The following CGGBP1 variants were observed in gnomAD, a reference collection of about 807,000 sequenced individuals.
CGGBP1 encodes the protein CGG triplet repeat binding protein 1.
Under a neutral mutation model 11.4 loss-of-function variants are expected in CGGBP1, and 4 were observed. That is an observed-to-expected ratio of 0.35 (90% CI 0.17 to 0.80). The LOEUF is 0.80. CGGBP1 is among the 30% of genes least tolerant of loss of function. CGGBP1 has a pLI of 0.52. For synonymous variants in CGGBP1, 76 were observed against 74.1 expected (o/e 1.03, Z -0.13); for missense variants, 135 against 202.1 (o/e 0.67, Z 2.01).
At chr3:88,083,350 C>T (rs1293487371) in intron 2 of CGGBP1, among the ~76,000 whole-genome samples, 1 of 152,156 alleles carries the variant, frequency 6.6e-6, no homozygotes, top group Non-Finnish European at 1.5e-5. Context: ...TTCTCATTCT[C>T]ACATTAATTT....
At chr3:88,063,791 A>G (rs557826277), upstream of CGGBP1, among the ~76,000 whole-genome samples, 46 of 152,148 alleles carry the variant, frequency 3.0e-4, no homozygotes, top group Middle Eastern at 3.4e-3. Context: ...TACAGTGGCC[A>G]TACTATCATT....
At chr3:88,085,166 T>C (rs1708276508) in intron 2 of CGGBP1, among the ~76,000 whole-genome samples, 1 of 152,202 alleles carries the variant, frequency 6.6e-6, no homozygotes, top group South Asian at 2.1e-4. Flanking sequence ...GGGCTCTGAG[T>C]GTTCTTGGCT....
chr3:88,104,560 A>T (rs1307569950), intron 2 of CGGBP1, among the ~76,000 whole-genome samples: 1 of 152,244 alleles, frequency 6.6e-6, no homozygotes, highest in Non-Finnish European at 1.5e-5. Context: ...GGTTTGTAGC[A>T]TGTTTAAAAC....
chr3:88,147,514 T>C (rs932169049), intron 1 of CGGBP1, among the ~76,000 whole-genome samples: 1 of 152,130 alleles, frequency 6.6e-6, no homozygotes, highest in Admixed American at 6.5e-5. Context: ...AGATAAAAAA[T>C]GAAAGCTAAA....
chr3:88,105,998 T>G (rs1349574050), intron 2 of CGGBP1, among the ~76,000 whole-genome samples: 2 of 152,204 alleles, frequency 1.3e-5, no homozygotes, highest in Non-Finnish European at 2.9e-5. Flanking sequence ...TGATCTAGCC[T>G]TCTTCCTCTC....
intron 2 of CGGBP1, among the ~76,000 whole-genome samples, chr3:88,104,026 G>T (rs1196278066): frequency 2.6e-5 from 4 of 151,858 alleles, no homozygotes; most frequent in African/African-American, 9.7e-5. Flanking sequence ...CCTCTGCTGG[G>T]ATTACAGGCC....
chr3:88,088,828 A>G lies in CGGBP1; in HGVS notation c.-228-30605T>C, dbSNP rs1036456887. On this transcript the variant is annotated intron_variant, in intron 2 of 3. Transcript: ENST00000462901. ...GGCTCTGTCGCCTAGGTTGGAGTAC[A>G]GTGGCATGATCTCGGCTCACTGCAA... is the stretch of plus-strand genomic sequence containing the variant. Among the ~76,000 whole-genome samples the G allele has an allele frequency of 1.8e-4, 28 of 152,098 alleles. No homozygotes were observed. In the East Asian group the frequency reaches 4.1e-3, roughly 22 times the overall value.
At chr3:88,059,100 G>C (rs181103960), upstream of CGGBP1, 3 of 851,248 alleles carry the variant, frequency 3.5e-6, no homozygotes, top group East Asian at 8.3e-5. Flanking sequence ...ACCAATAGTA[G>C]TGGAAAGGCG....
chr3:88,122,065 A>C lies in CGGBP1; in HGVS notation c.-229+18905T>G, dbSNP rs146918083. ...GTAATGCAAGGCCTTCCTCTTACAT[A>C]ATAATGTAGCACAAATGTTCAATAT... On this transcript the variant is annotated intron_variant, in intron 2 of 3. Transcript: ENST00000462901. 3.2e-3 allele frequency among the ~76,000 whole-genome samples: 495 copies of C among 152,348 alleles called. 4 individuals are homozygous for C. Among genetic ancestry groups the C allele is most frequent in the African/African-American group, 0.011 (461 of 41,592 alleles).
At chr3:88,064,109 C>CTT (rs34753092) in intron 2 of CGGBP1, among the ~76,000 whole-genome samples, 1,771 of 147,896 alleles carry the variant, frequency 0.012, 18 homozygotes, top group African/African-American at 0.021. Flanking sequence ...CGAGCTTCTT[C>CTT]TTTTTTTTTT....
chr3:88,086,137 A>T, intron 2 of CGGBP1: 1 of 774,874 alleles, frequency 1.3e-6, no homozygotes, highest in Non-Finnish European at 2.0e-6. Context: ...CCCTCCCTCC[A>T]GTCACCTGTG....
rs1193833234 is a variant in CGGBP1 at position 88,054,796 on chromosome 3, C to T, written c.*677G>A. The T allele has an allele frequency of 6.6e-6, 1 of 152,554 alleles. No individual in the cohort carries two copies. The highest frequency in any genetic ancestry group is 1.5e-5 in the Non-Finnish European group (1 of 68,024). 9.5% of individuals were successfully genotyped at this position (152,554 alleles called of 1,614,324 possible). ...ACTAAAATCCTGTCACTGCAAAATT[C>T]CCCTTGGCTTTTGGCATTGACGTTG... On this transcript the variant is annotated 3_prime_UTR_variant, in exon 4 of 4. Transcript: ENST00000482016.
At chr3:88,069,458 C>T (rs1375572554) in intron 2 of CGGBP1, among the ~76,000 whole-genome samples, 1 of 152,060 alleles carries the variant, frequency 6.6e-6, no homozygotes, top group Non-Finnish European at 1.5e-5. Flanking sequence ...CTTAGTCCAC[C>T]CCCCAACCCA....
At chr3:88,079,158 T>A (rs1213044145) in intron 2 of CGGBP1, among the ~76,000 whole-genome samples, 1 of 152,092 alleles carries the variant, frequency 6.6e-6, no homozygotes, top group Non-Finnish European at 1.5e-5. Flanking sequence ...CAGGCTACAT[T>A]AATATTATCA....
upstream of CGGBP1, among the ~76,000 whole-genome samples, chr3:88,060,224 C>G (rs545089436): frequency 1.3e-5 from 2 of 151,900 alleles, no homozygotes; most frequent in East Asian, 3.9e-4. Flanking sequence ...ATCACCAACC[C>G]CCCTCATCCT....
In CGGBP1 at chr3:88,055,887, A is replaced by G; in HGVS notation, c.90T>C (p.Phe30=). 1 of 1,614,186 alleles carries G rather than the reference A, an allele frequency of 6.2e-7. No individual in the cohort carries two copies. The highest frequency in any genetic ancestry group is 8.5e-7 in the Non-Finnish European group (1 of 1,180,038). The change falls in exon 4 of 4, where the codon TTT becomes TTC. Residue 30 remains phenylalanine, a synonymous_variant. Coordinates refer to ENST00000482016, the MANE Select transcript of CGGBP1 (RefSeq NM_001008390.2). This position sits in a 1 kb window ranked among gnomAD's most constrained non-coding sequence, Gnocchi z 4.2. Reference sequence around the variant, plus strand: ...CTCCATCTTCATGCAGCTCACCTCCAAACTCAGTGACTCGATCCAGGGGAG... The same window carrying G: ...CTCCATCTTCATGCAGCTCACCTCCGAACTCAGTGACTCGATCCAGGGGAG... The part of the protein sequence containing the change: ...YVTPLDRVTE[F]GGELHEDGGK...
intron 2 of CGGBP1, among the ~76,000 whole-genome samples, chr3:88,120,853 T>C (rs1257536777): frequency 1.3e-5 from 2 of 152,162 alleles, no homozygotes; most frequent in East Asian, 1.9e-4. Context: ...TCAAAATTAC[T>C]GTATCACAGT....
chr3:88,145,235 C>T (rs1435362192), intron 1 of CGGBP1, among the ~76,000 whole-genome samples: 1 of 152,114 alleles, frequency 6.6e-6, no homozygotes, highest in Admixed American at 6.5e-5. Context: ...AAAGGAAAAC[C>T]GTCCAAACTA....
intron 2 of CGGBP1, among the ~76,000 whole-genome samples, chr3:88,107,757 A>C (rs1156653996): frequency 6.6e-6 from 1 of 152,120 alleles, no homozygotes; most frequent in East Asian, 1.9e-4. Context: ...CATCCATAAG[A>C]TCTGCCTGTT....
Sources: gnomAD v4.1 joint callset for allele counts (sites outside exome capture counted in the v4.1 genomes callset) on GRCh38, gnomAD v4.1.1 for gene constraint, Gnocchi (gnomAD v3.1) non-coding constraint, MANE v1.5 for transcripts, NCBI Gene and HGNC (gene_info 2026-07-23, HGNC 2026-07-21) for gene names.